The following ELMOD3 variants were observed in gnomAD, a reference collection of about 807,000 sequenced individuals.
ELMOD3 encodes the protein ELMO domain containing 3.
Under a neutral mutation model 47.4 loss-of-function variants are expected in ELMOD3, and 36 were observed. The ratio of observed to expected loss-of-function variants is 0.76; its 90% CI spans 0.58 to 1.00. The LOEUF (loss-of-function observed/expected upper bound fraction) is 1.00, where lower values mean the gene tolerates loss of function less well. Among genes scored for constraint, ELMOD3 ranks in the 50% least tolerant of loss-of-function variants. ELMOD3 has a pLI of 0.00. For missense variants in ELMOD3, 404 were observed against 463.8 expected, an observed-to-expected ratio of 0.87 and a Z score of 1.18; for synonymous variants, 149 against 183.5, an observed-to-expected ratio of 0.81 and a Z score of 1.52.
In ELMOD3 at chr2:85,376,815, A is replaced by G. The variant is rs912633906; in HGVS notation, c.608-529A>G. 6.6e-6 allele frequency: 1 copy of G among 152,162 alleles called. No individual in the cohort carries two copies. The highest frequency in any genetic ancestry group is 2.4e-5 in the African/African-American group (1 of 41,416). 9.4% of individuals were successfully genotyped at this position (152,162 alleles called of 1,614,324 possible). On this transcript the variant is annotated intron_variant, in intron 10 of 13. Coordinates refer to ENST00000409013, the MANE Select transcript of ELMOD3 (RefSeq NM_001135022.2). The surrounding 1 kb of genome is among the most constrained non-coding windows in gnomAD (Gnocchi z 4.2). ...CCTTGGGGCTTTTTGGTCTGCTCCC[A>G]TTGGCATTTCTGGGTTGCTGTCTTC...
At chr2:85,380,051 T>G (rs150028243) in intron 11 of ELMOD3, among the ~76,000 whole-genome samples, 1,692 of 152,350 alleles carry the variant, frequency 0.011, 13 homozygotes, top group Middle Eastern at 0.034. Context: ...GTTTGAGTTC[T>G]TAAAAGAAAT....
At chr2:85,382,674 T>C (rs552500180) in intron 11 of ELMOD3, among the ~76,000 whole-genome samples, 2 of 151,862 alleles carry the variant, frequency 1.3e-5, no homozygotes, top group South Asian at 2.1e-4. Context: ...TGCCACTATG[T>C]CCATCTAATT....
rs574865729 is a variant in ELMOD3 at position 85,367,120 on chromosome 2, G to T, written c.200-1566G>T. On this transcript the variant is annotated intron_variant, in intron 6 of 13. Transcript: ENST00000409013. ...TCATTCATTCATTCATCAAACATTT[G>T]TTGAGCACCTATTATGTGTCAAGCT... Among the ~76,000 whole-genome samples the T allele has an allele frequency of 9.9e-5, 15 of 152,094 alleles. No homozygotes were observed. In the South Asian group the frequency reaches 2.7e-3, roughly 27 times the overall value.
intron 10 of ELMOD3, chr2:85,377,053 T>C (rs1023359355): frequency 4.7e-6 from 1 of 215,030 alleles, no homozygotes; most frequent in African/African-American, 2.3e-5. Context: ...ATTCAGCCTT[T>C]TTTGTAAAGG....
At chr2:85,385,543 C>G (rs1273814228) in intron 11 of ELMOD3, among the ~76,000 whole-genome samples, 1 of 152,162 alleles carries the variant, frequency 6.6e-6, no homozygotes, top group Admixed American at 6.5e-5. Flanking sequence ...AAGGCAGGAA[C>G]AGGCCATTTT....
chr2:85,385,408 G>A (rs918719015), intron 11 of ELMOD3, among the ~76,000 whole-genome samples: 2 of 152,184 alleles, frequency 1.3e-5, no homozygotes, highest in Admixed American at 1.3e-4. Context: ...GTTAGGTAGT[G>A]GAAAATTACA....
intron 10 of ELMOD3, among the ~76,000 whole-genome samples, chr2:85,377,139 G>C (rs1425742247): frequency 6.6e-6 from 1 of 152,254 alleles, no homozygotes; most frequent in Non-Finnish European, 1.5e-5. Context: ...GTGGGAGGCT[G>C]CCTCCAGGGC....
intron 7 of ELMOD3, 129 bp downstream of exon 7, chr2:85,368,883 A>G (rs1028425766): frequency 2.2e-5 from 20 of 908,336 alleles, no homozygotes; most frequent in African/African-American, 3.3e-5. Context: ...CATTTTAACT[A>G]TATAACATAG....
chr2:85,364,825 A>ATAAT (rs375582916), intron 6 of ELMOD3, among the ~76,000 whole-genome samples: 52 of 69,894 alleles, frequency 7.4e-4, no homozygotes, highest in Non-Finnish European at 1.2e-3. Context: ...ATATATATAT[A>ATAAT]TTTTTTTTTT....
Position 85,362,040 on chromosome 2 carries a change from C to A in ELMOD3, c.55-146C>A, listed in dbSNP as rs1684009037. On this transcript the variant is annotated intron_variant, in intron 4 of 13. Coordinates refer to ENST00000409013, the MANE Select transcript of ELMOD3 (RefSeq NM_001135022.2). ...TGATGAAATAACATGTACAACAAACCCCTGTGACCCAAGTTTCCCTATGTA... is the reference window on the plus strand; with the variant it reads ...TGATGAAATAACATGTACAACAAACACCTGTGACCCAAGTTTCCCTATGTA... The A allele has an allele frequency of 1.8e-5, 11 of 605,316 alleles. No individual in the cohort carries two copies. In the East Asian group the frequency reaches 3.1e-4, roughly 17 times the overall value. The allele number at this position is 605,316 out of a possible 1,614,324, so 37.5% of individuals were successfully genotyped here. A position where few individuals can be genotyped will look rare whatever the true frequency, so the allele number is the denominator to read the frequency against.
chr2:85,387,851 A>C (rs116584359), intron 11 of ELMOD3, among the ~76,000 whole-genome samples: 3,221 of 152,224 alleles, frequency 0.021, 49 homozygotes, highest in Middle Eastern at 0.048. Context: ...AACAGAAGCA[A>C]AATCAGCAAA....
chr2:85,382,527 T>A (rs1377026028), intron 11 of ELMOD3, among the ~76,000 whole-genome samples: 3 of 151,254 alleles, frequency 2.0e-5, no homozygotes, highest in Non-Finnish European at 4.4e-5. Context: ...AGGACTTTTT[T>A]TTTTTGAGAC....
rs150599708 is a variant in ELMOD3, at chr2:85,369,462, G to A, written c.269-277G>A. On this transcript the variant is annotated intron_variant, in intron 7 of 13. Transcript: ENST00000409013. ...ACCCCAGGCAGTGACTTGCCCCCTC[G>A]TAGATGAGAGCATTTAGGGATCACC... 3.2e-3 allele frequency among the ~76,000 whole-genome samples: 488 copies of A among 152,284 alleles called. 3 individuals carry two copies. Among genetic ancestry groups the A allele is most frequent in the African/African-American group, 0.011 (464 of 41,558 alleles).
In ELMOD3 at chr2:85,355,580, C is replaced by G. The variant is rs1217327316; in HGVS notation, c.-251C>G. The G allele has an allele frequency of 2.0e-5, 3 of 152,192 alleles. No homozygotes were observed. Among genetic ancestry groups the G allele is most frequent in the East Asian group, 3.8e-4 (2 of 5,196 alleles). The allele number at this position is 152,192 out of a possible 1,614,324, so 9.4% of individuals were successfully genotyped here. A position where few individuals can be genotyped will look rare whatever the true frequency, so the allele number is the denominator to read the frequency against. The stretch of plus-strand genomic sequence containing the variant: ...ATAGTAACTGTCCCTACTGAAGGCC[C>G]CAGGAGTGCTCCAGCCAGGTGTGGA... On this transcript the variant is annotated 5_prime_UTR_variant, in exon 3 of 14. Coordinates refer to ENST00000409013, the MANE Select transcript of ELMOD3 (RefSeq NM_001135022.2).
At chr2:85,387,248 T>C in intron 11 of ELMOD3, 3 of 1,150,792 alleles carry the variant, frequency 2.6e-6, no homozygotes, top group Non-Finnish European at 2.2e-6. Flanking sequence ...ACGACGAACA[T>C]TTGTTAATAC....
In ELMOD3 at chr2:85,370,122, A is replaced by G. The variant is rs1573108867; in HGVS notation, c.360+292A>G. 2.0e-5 allele frequency among the ~76,000 whole-genome samples: 3 copies of G among 152,198 alleles called. No homozygotes were observed. In the East Asian group the frequency reaches 5.8e-4, roughly 29 times the overall value. On this transcript the variant is annotated intron_variant, in intron 8 of 13. Coordinates refer to ENST00000409013, the MANE Select transcript of ELMOD3 (RefSeq NM_001135022.2). ...AGTCAAGTACTAGGTAGATCCTTGC[A>G]GAGGCAAGGCAAACTGTTCAGGGAG...
At position 85,373,919 on chromosome 2, in the gene ELMOD3, C is replaced by CTT. The variant is rs769671833; in HGVS notation, c.607+2375_607+2376dup. Reference sequence around the variant, plus strand: ...TTGTTTGTTCTTCCTTCCTAACCCTCTTTTTTTTTTTTTTTTTTTCTATTT... The same window carrying CTT: ...TTGTTTGTTCTTCCTTCCTAACCCTCTTTTTTTTTTTTTTTTTTTTTCTATTT... On this transcript the variant is annotated intron_variant, in intron 10 of 13. Transcript: ENST00000409013. Among the ~76,000 whole-genome samples the CTT allele has an allele frequency of 1.7e-3, 212 of 124,558 alleles. 4 individuals are homozygous for CTT. The highest frequency in any genetic ancestry group is 5.6e-3 in the African/African-American group (186 of 33,378). The allele number at this position is 124,558 out of a possible 152,430, so 81.7% of individuals were successfully genotyped here.
rs923984688 is a variant in ELMOD3 at position 85,381,092 on chromosome 2, G to A, written c.738+3618G>A. ...ATACAAATACAGCCCAAAGAAAATC[G>A]TACACCATTTCATATTTGACAATGC... On this transcript the variant is annotated intron_variant, in intron 11 of 13. Transcript: ENST00000409013. Among the ~76,000 whole-genome samples, 3 of 152,078 alleles carry A rather than the reference G, an allele frequency of 2.0e-5. No homozygotes were observed. In the East Asian group the frequency reaches 5.8e-4, roughly 29 times the overall value.
intron 11 of ELMOD3, among the ~76,000 whole-genome samples, chr2:85,385,830 A>G (rs1685883343): frequency 6.6e-6 from 1 of 151,960 alleles, no homozygotes; most frequent in Admixed American, 6.6e-5. Flanking sequence ...ATTTCCAGTG[A>G]GGGCTTTTGT....
Sources: gnomAD v4.1 joint callset for allele counts (sites outside exome capture counted in the v4.1 genomes callset) on GRCh38, gnomAD v4.1.1 for gene constraint, Gnocchi (gnomAD v3.1) non-coding constraint, MANE v1.5 for transcripts, NCBI Gene and HGNC (gene_info 2026-07-23, HGNC 2026-07-21) for gene names.